CHST11: variants seen among roughly 807,000 people sequenced by gnomAD.
CHST11 encodes C4S-1.
Under a neutral mutation model 30.4 loss-of-function variants are expected in CHST11, and 9 were observed. That is an observed-to-expected ratio of 0.30 (90% CI 0.18 to 0.52). CHST11 has a LOEUF of 0.52. Ranked by LOEUF, CHST11 falls within the 20% of genes least tolerant of loss-of-function variation. The pLI is 0.97. For synonymous variants in CHST11, 152 were observed against 187.8 expected (o/e 0.81, Z 1.56); for missense variants, 348 against 460.6 (o/e 0.76, Z 2.24).
chr12:104,640,421 A>G (rs972335533), intron 2 of CHST11, among the ~76,000 whole-genome samples: 7 of 152,210 alleles, frequency 4.6e-5, no homozygotes, highest in African/African-American at 7.2e-5. Flanking sequence ...TCCAGCCACA[A>G]AAAGATATGG....
chr12:104,699,391 G>A (rs915175636), intron 2 of CHST11, among the ~76,000 whole-genome samples: 16 of 152,284 alleles, frequency 1.1e-4, no homozygotes, highest in Non-Finnish European at 1.8e-4. Flanking sequence ...TTAATTACAT[G>A]TTAAAATGAT....
intron 2 of CHST11, among the ~76,000 whole-genome samples, chr12:104,629,622 G>A (rs1484838306): frequency 6.6e-6 from 1 of 152,160 alleles, no homozygotes; most frequent in African/African-American, 2.4e-5. Flanking sequence ...AGGAGTTTGA[G>A]GCCAACTTGG....
At chr12:104,756,406 T>G (rs774065962) in intron 2 of CHST11, among the ~76,000 whole-genome samples, 2 of 152,188 alleles carry the variant, frequency 1.3e-5, no homozygotes, top group Non-Finnish European at 2.9e-5. Context: ...AGCATTTCCC[T>G]TTGCCCTCTA....
chr12:104,724,362 A>C (rs1313326595), intron 2 of CHST11, among the ~76,000 whole-genome samples: 5 of 152,118 alleles, frequency 3.3e-5, no homozygotes, highest in African/African-American at 4.8e-5. Flanking sequence ...GAAAATGAAA[A>C]GGTTCTGGAG....
chr12:104,606,324 G>A (rs1290990947), intron 2 of CHST11, among the ~76,000 whole-genome samples: 2 of 152,010 alleles, frequency 1.3e-5, no homozygotes, highest in Non-Finnish European at 2.9e-5. Context: ...CCAGGAAGCA[G>A]GATGAGGAGG....
chr12:104,603,985 ATAGCTTAG>A (rs2038980301), intron 2 of CHST11, among the ~76,000 whole-genome samples: 1 of 152,154 alleles, frequency 6.6e-6, no homozygotes, highest in Admixed American at 6.5e-5. Flanking sequence ...CTAGGAACAT[ATAGCTTAG>A]TAGCTTAGCA....
At chr12:104,620,205 C>A (rs191432980) in intron 2 of CHST11, among the ~76,000 whole-genome samples, 5 of 152,332 alleles carry the variant, frequency 3.3e-5, no homozygotes, top group Admixed American at 3.3e-4. Context: ...TTCTTCTGCT[C>A]TCTTCATTTG....
intron 1 of CHST11, among the ~76,000 whole-genome samples, chr12:104,474,063 AG>A (rs1450392839): frequency 6.6e-6 from 1 of 152,200 alleles, no homozygotes; most frequent in Non-Finnish European, 1.5e-5. Flanking sequence ...GCAAGCTAAA[AG>A]GGTTTCTGGA....
chr12:104,590,325 G>A (rs1284517404), intron 1 of CHST11, among the ~76,000 whole-genome samples: 4 of 152,134 alleles, frequency 2.6e-5, no homozygotes, highest in Non-Finnish European at 4.4e-5. Context: ...AGAAGGGCTG[G>A]GAATATATGT....
chr12:104,501,240 A>G (rs561450628), intron 1 of CHST11, among the ~76,000 whole-genome samples: 1 of 152,254 alleles, frequency 6.6e-6, no homozygotes, highest in East Asian at 1.9e-4. Context: ...CCACAAGCCC[A>G]GGTCTCTTTT....
intron 2 of CHST11, among the ~76,000 whole-genome samples, chr12:104,659,790 AC>A (rs36101250): frequency 0.27 from 40,085 of 146,470 alleles, 5,476 homozygotes; most frequent in South Asian, 0.31. Flanking sequence ...ACATAGTGAG[AC>A]CCCCCCCCGC....
intron 2 of CHST11, among the ~76,000 whole-genome samples, chr12:104,717,427 T>A (rs1360984819): frequency 1.3e-5 from 2 of 152,148 alleles, no homozygotes; most frequent in African/African-American, 2.4e-5. Context: ...CTTCAGGGAT[T>A]TTTTTAGTCA....
At chr12:104,473,326 A>G (rs2037528608) in intron 1 of CHST11, among the ~76,000 whole-genome samples, 1 of 152,220 alleles carries the variant, frequency 6.6e-6, no homozygotes, top group Non-Finnish European at 1.5e-5. Flanking sequence ...ATTATAGGCC[A>G]TGGAGGTTAA....
intron 2 of CHST11, among the ~76,000 whole-genome samples, chr12:104,744,980 TCTC>T (rs1213526568): frequency 2.0e-5 from 3 of 151,850 alleles, no homozygotes; most frequent in African/African-American, 4.8e-5. Context: ...TTCAAGCAAT[TCTC>T]CTGCCTCAGC....
Position 104,757,377 on chromosome 12 carries a change from G to T in CHST11, c.633G>T (p.Arg211=), listed in dbSNP as rs1226246406. The T allele has an allele frequency of 6.2e-7, 1 of 1,614,018 alleles. No individual in the cohort carries two copies. The highest frequency in any genetic ancestry group is 1.1e-5 in the South Asian group (1 of 91,090). ...AGTACAACATCTCCTTCCACAAGCG[G>T]TACGGCACCAAGATCATCAAACGCC... The part of the protein sequence containing the change: ...TQKYNISFHK[R]YGTKIIKRQR... The change falls in exon 3 of 3, where the codon CGG becomes CGT. Residue 211 remains arginine (R), a synonymous_variant. Coordinates refer to ENST00000303694, the MANE Select transcript of CHST11 (RefSeq NM_018413.6). This position sits in a 1 kb window ranked among gnomAD's most constrained non-coding sequence, Gnocchi z 6.5.
At position 104,466,684 on chromosome 12, in the gene CHST11, C is replaced by T. The variant is rs79043622; in HGVS notation, c.118+9155C>T. On this transcript the variant is annotated intron_variant, in intron 1 of 2. Coordinates refer to ENST00000303694, the MANE Select transcript of CHST11 (RefSeq NM_018413.6). ...CTTTCTAGAAGGAGGGTAGAATGAA[C>T]GATGAGCAAATAATCACAATACTCA... Among the ~76,000 whole-genome samples the T allele has an allele frequency of 3.9e-4, 59 of 152,304 alleles. No homozygotes were observed. In the South Asian group the frequency reaches 7.3e-3, roughly 19 times the overall value.
At chr12:104,673,053 C>T (rs2039710483) in intron 2 of CHST11, among the ~76,000 whole-genome samples, 1 of 152,180 alleles carries the variant, frequency 6.6e-6, no homozygotes, top group Non-Finnish European at 1.5e-5. Context: ...TATTATTTGC[C>T]TCTCCCAGTT....
chr12:104,579,353 A>G (rs1265439912), intron 1 of CHST11, among the ~76,000 whole-genome samples: 1 of 152,194 alleles, frequency 6.6e-6, no homozygotes, highest in Non-Finnish European at 1.5e-5. Flanking sequence ...GTCCCTGGAC[A>G]AGTCACTTGA....
intron 1 of CHST11, among the ~76,000 whole-genome samples, chr12:104,488,136 G>A (rs975319912): frequency 4.0e-5 from 6 of 148,974 alleles, no homozygotes; most frequent in African/African-American, 1.5e-4. Context: ...TTATATGGAT[G>A]ATTTTTTTTT....
Sources: gnomAD v4.1 joint callset for allele counts (sites outside exome capture counted in the v4.1 genomes callset) on GRCh38, gnomAD v4.1.1 for gene constraint, Gnocchi (gnomAD v3.1) non-coding constraint, MANE v1.5 for transcripts, NCBI Gene and HGNC (gene_info 2026-07-23, HGNC 2026-07-21) for gene names.